Variants in SPON1 observed in about 807,000 individuals in gnomAD.
The protein encoded by SPON1 is spondin 1, also known as spondin-1.
A neutral mutation model predicts 111.7 loss-of-function variants in SPON1; 52 were observed. That is an observed-to-expected ratio of 0.47 (90% confidence interval 0.37 to 0.59). The LOEUF is 0.59. Ranked by LOEUF, SPON1 falls within the 20% of genes least tolerant of loss-of-function variation. The pLI, the probability that SPON1 is intolerant of heterozygous loss-of-function variation, is 0.00. For missense variants in SPON1, 957 were observed against 1,068.5 expected (o/e 0.90, Z 1.46); for synonymous variants, 410 against 395.8 (o/e 1.04, Z -0.43).
chr11:14,106,989 C>A (rs1032837140), intron 5 of SPON1, among the ~76,000 whole-genome samples: 7 of 152,136 alleles, frequency 4.6e-5, no homozygotes, highest in Non-Finnish European at 8.8e-5. Context: ...TTTTCACAAC[C>A]ACCAGCAAGA....
intron 2 of SPON1, among the ~76,000 whole-genome samples, chr11:13,983,177 G>A (rs1431953088): frequency 1.3e-5 from 2 of 152,244 alleles, no homozygotes; most frequent in African/African-American, 4.8e-5. Flanking sequence ...GCAGATCACG[G>A]GGCTCTTCTC....
At chr11:14,162,742 T>G (rs948146722) in intron 6 of SPON1, among the ~76,000 whole-genome samples, 4 of 152,180 alleles carry the variant, frequency 2.6e-5, no homozygotes, top group Non-Finnish European at 4.4e-5. Flanking sequence ...TCAGAATAAC[T>G]GGTATAAGGA....
At chr11:14,002,777 A>G (rs1554912588) in intron 2 of SPON1, among the ~76,000 whole-genome samples, 1 of 152,118 alleles carries the variant, frequency 6.6e-6, no homozygotes, top group Non-Finnish European at 1.5e-5. Context: ...CACCAAGGGG[A>G]GAGAGAATCA....
intron 2 of SPON1, among the ~76,000 whole-genome samples, chr11:14,029,560 A>T (rs1554915777): frequency 6.6e-6 from 1 of 152,176 alleles, no homozygotes; most frequent in East Asian, 1.9e-4. Context: ...TCCTCCTATC[A>T]GGTTTCCCGC....
intron 5 of SPON1, among the ~76,000 whole-genome samples, chr11:14,096,506 T>C (rs1554923888): frequency 6.6e-6 from 1 of 152,164 alleles, no homozygotes; most frequent in African/African-American, 2.4e-5. Context: ...CTGGATTTGG[T>C]CAGTGGGAAG....
intron 2 of SPON1, among the ~76,000 whole-genome samples, chr11:14,014,253 T>C (rs1292722353): frequency 6.6e-6 from 1 of 152,068 alleles, no homozygotes; most frequent in Non-Finnish European, 1.5e-5. Context: ...GTAGCAGGCA[T>C]GGAAGGCCAT....
At chr11:14,263,039 G>C in intron 15 of SPON1, 64 bp downstream of exon 15, 2 of 971,240 alleles carry the variant, frequency 2.1e-6, no homozygotes, top group East Asian at 2.7e-5. Flanking sequence ...ACTGGGCTAA[G>C]TCTTGGACCT....
At chr11:14,167,096 A>C (rs553870573) in intron 6 of SPON1, among the ~76,000 whole-genome samples, 52 of 152,260 alleles carry the variant, frequency 3.4e-4, no homozygotes, top group African/African-American at 1.3e-3. Context: ...AGTTTTACAT[A>C]ATTTTGGAAC....
intron 6 of SPON1, among the ~76,000 whole-genome samples, chr11:14,160,917 T>TATATTTA (rs1564919727): frequency 2.4e-5 from 1 of 41,518 alleles, no homozygotes; most frequent in Non-Finnish European, 3.9e-5. Context: ...ATATATATAT[T>TATATTTA]TATATATTTA....
At chr11:13,970,037 TCTC>T (rs2133773873) in intron 1 of SPON1, among the ~76,000 whole-genome samples, 1 of 152,318 alleles carries the variant, frequency 6.6e-6, no homozygotes, top group South Asian at 2.1e-4. Context: ...AGCATTACAT[TCTC>T]TGTTTTTTCT....
intron 5 of SPON1, among the ~76,000 whole-genome samples, chr11:14,107,304 T>C (rs1849192020): frequency 6.6e-6 from 1 of 152,122 alleles, no homozygotes; most frequent in African/African-American, 2.4e-5. Context: ...GAAATAATGT[T>C]CCTTTATCCG....
At chr11:14,237,839 T>C (rs1181960556) in intron 6 of SPON1, among the ~76,000 whole-genome samples, 1 of 152,180 alleles carries the variant, frequency 6.6e-6, no homozygotes, top group African/African-American at 2.4e-5. Flanking sequence ...GAACTGAAAG[T>C]AGGCTAGGAC....
At position 14,267,027 on chromosome 11, in the gene SPON1, T is replaced by G. The variant is rs1384825140; in HGVS notation, c.*1340T>G. ...TATTGTTGAAAACTATTGTTTCATT[T>G]CTTCTTTTATAGGCCTTATTACTGC... is the stretch of plus-strand genomic sequence containing the variant. On this transcript the variant is annotated 3_prime_UTR_variant, in exon 16 of 16. Coordinates refer to ENST00000576479, the MANE Select transcript of SPON1 (RefSeq NM_006108.4). 6.6e-6 allele frequency: 1 copy of G among 152,250 alleles called. No individual in the cohort carries two copies. Among genetic ancestry groups the G allele is most frequent in the African/African-American group, 2.4e-5 (1 of 41,462 alleles). The allele number at this position is 152,250 out of a possible 1,614,324, so 9.4% of individuals were successfully genotyped here.
intron 3 of SPON1, among the ~76,000 whole-genome samples, chr11:14,042,241 A>G (rs1213556651): frequency 2.0e-5 from 3 of 152,180 alleles, no homozygotes; most frequent in Non-Finnish European, 4.4e-5. Context: ...TGTTTCTCCA[A>G]ACTTATGTGC....
chr11:14,040,508 A>G (rs1368639848), intron 2 of SPON1, among the ~76,000 whole-genome samples: 2 of 152,192 alleles, frequency 1.3e-5, no homozygotes, highest in Non-Finnish European at 2.9e-5. Context: ...ATAAAAAGTA[A>G]TAGAAAATGG....
At chr11:14,177,645 T>C (rs1379022810) in intron 6 of SPON1, among the ~76,000 whole-genome samples, 2 of 152,208 alleles carry the variant, frequency 1.3e-5, no homozygotes, top group Non-Finnish European at 2.9e-5. Context: ...TAATGTTAGT[T>C]CTACAAAGGC....
Position 14,260,858 on chromosome 11 carries a change from G to A in SPON1, c.1996+106G>A, listed in dbSNP as rs1849163599. On this transcript the variant is annotated intron_variant, in intron 14 of 15. Coordinates refer to ENST00000576479, the MANE Select transcript of SPON1 (RefSeq NM_006108.4). Reference sequence around the variant, plus strand: ...GCTAGATCCTAGAATAACATGGTTTGCTGGGGAAGAGTTTGGGGTTTGGCT... The same window carrying A: ...GCTAGATCCTAGAATAACATGGTTTACTGGGGAAGAGTTTGGGGTTTGGCT... The A allele has an allele frequency of 2.3e-6, 3 of 1,295,838 alleles. No homozygotes were observed. The East Asian group carries it at 7.3e-5, about 31-fold the overall frequency. 80.3% of individuals were successfully genotyped at this position (1,295,838 alleles called of 1,614,324 possible). A position where few individuals can be genotyped will look rare whatever the true frequency, so the allele number is the denominator to read the frequency against.
At chr11:14,153,191 AC>A (rs1847807103) in intron 6 of SPON1, among the ~76,000 whole-genome samples, 1 of 152,200 alleles carries the variant, frequency 6.6e-6, no homozygotes, top group African/African-American at 2.4e-5. Flanking sequence ...CATTTAACAT[AC>A]TTTTACTATT....
intron 6 of SPON1, among the ~76,000 whole-genome samples, chr11:14,241,842 TG>T: frequency 6.6e-6 from 1 of 152,308 alleles, no homozygotes; most frequent in South Asian, 2.1e-4. Flanking sequence ...ACTGCTCTGT[TG>T]GGAAATGCTT....
Sources: gnomAD v4.1 joint callset for allele counts (sites outside exome capture counted in the v4.1 genomes callset) on GRCh38, gnomAD v4.1.1 for gene constraint, MANE v1.5 for transcripts, NCBI Gene and HGNC (gene_info 2026-07-23, HGNC 2026-07-21) for gene names.